EHBP1: variants seen among roughly 807,000 people sequenced by gnomAD.
EHBP1 encodes the protein EH domain binding protein 1.
A neutral mutation model predicts 144.0 loss-of-function variants in EHBP1; 55 were observed. The observed-to-expected ratio is 0.38, with a 90% CI of 0.31 to 0.48. The LOEUF (loss-of-function observed/expected upper bound fraction) is 0.48, where lower values mean the gene tolerates loss of function less well. Among genes scored for constraint, EHBP1 ranks in the 20% least tolerant of loss-of-function variants. The pLI, the probability that EHBP1 is intolerant of heterozygous loss-of-function variation, is 0.98. For synonymous variants in EHBP1, 469 were observed against 472.7 expected (o/e 0.99, Z 0.10); for missense variants, 1,200 against 1,364.2 (o/e 0.88, Z 1.90).
chr2:62,799,299 TG>T (rs1251587881), intron 5 of EHBP1, among the ~76,000 whole-genome samples: 1 of 152,238 alleles, frequency 6.6e-6, no homozygotes, highest in Non-Finnish European at 1.5e-5. Context: ...TAACAGTATT[TG>T]CTGATTTTTA....
chr2:62,890,336 G>T (rs1390716380), intron 10 of EHBP1, among the ~76,000 whole-genome samples: 2 of 152,112 alleles, frequency 1.3e-5, no homozygotes, highest in Non-Finnish European at 2.9e-5. Flanking sequence ...GGGCAATATG[G>T]CCATTTTAAC....
chr2:62,824,602 C>A (rs879696147), intron 5 of EHBP1, among the ~76,000 whole-genome samples: 2 of 151,962 alleles, frequency 1.3e-5, no homozygotes, highest in Admixed American at 6.6e-5. Flanking sequence ...TTAAGTATTT[C>A]TTCTGAGAGG....
In EHBP1 at chr2:62,859,231, A is replaced by C. The variant is rs145720615; in HGVS notation, c.697A>C (p.Asn233His). Residue 233 changes from asparagine to histidine, a missense_variant, in exon 8 of 23, where the codon AAT (asparagine) becomes CAT (histidine). Physicochemically the swap from Asn to His is moderately conservative, Grantham distance 68. Coordinates refer to ENST00000431489, the MANE Select transcript of EHBP1 (RefSeq NM_001142616.3). The part of the protein sequence containing the change: ...AEKDLATVNS[N>H]PFDDPDAAEL... ...AAAGGACTTGGCCACCGTGAATTCAAATCCATTTGATGATCCTGATGCTGC... is the reference window on the plus strand; with the variant it reads ...AAAGGACTTGGCCACCGTGAATTCACATCCATTTGATGATCCTGATGCTGC... 23 of 1,612,356 alleles carry C rather than the reference A, an allele frequency of 1.4e-5. No individual in the cohort carries two copies. Among genetic ancestry groups the C allele is most frequent in the South Asian group, 4.4e-5 (4 of 90,740 alleles).
At chr2:62,960,394 T>C (rs576221348) in intron 14 of EHBP1, among the ~76,000 whole-genome samples, 43 of 152,312 alleles carry the variant, frequency 2.8e-4, no homozygotes, top group African/African-American at 8.9e-4. Flanking sequence ...TCTTCCCTTA[T>C]TAGTTTCTAG....
At chr2:63,037,411 A>G (rs1362183665) in intron 19 of EHBP1, 124 bp from the exon 20 acceptor site, 3 of 606,436 alleles carry the variant, frequency 4.9e-6, no homozygotes, top group South Asian at 4.3e-5. Context: ...CCTTCTTATA[A>G]GCAGTTTAAT....
chr2:62,793,453 A>G, intron 5 of EHBP1, among the ~76,000 whole-genome samples: 1 of 152,080 alleles, frequency 6.6e-6, no homozygotes, highest in East Asian at 1.9e-4. Flanking sequence ...AGTCTTTTGC[A>G]ATGGTCATGT....
intron 5 of EHBP1, among the ~76,000 whole-genome samples, chr2:62,825,193 G>T (rs920127653): frequency 6.6e-6 from 1 of 151,970 alleles, no homozygotes; most frequent in Admixed American, 6.6e-5. Flanking sequence ...CATAGAACCT[G>T]CAGAGATTAT....
chr2:62,860,448 C>G (rs907929489), intron 8 of EHBP1, among the ~76,000 whole-genome samples: 2 of 151,982 alleles, frequency 1.3e-5, no homozygotes, highest in Admixed American at 6.6e-5. Flanking sequence ...CAAGATCGCG[C>G]CATTGCACTC....
At chr2:62,677,127 T>C (rs751825114) in intron 1 of EHBP1, among the ~76,000 whole-genome samples, 1 of 151,718 alleles carries the variant, frequency 6.6e-6, no homozygotes, top group African/African-American at 2.4e-5. Context: ...ACTGGGGAGG[T>C]TGAGGCTACA....
chr2:62,684,794 C>T (rs1329915987), intron 1 of EHBP1, among the ~76,000 whole-genome samples: 2 of 152,044 alleles, frequency 1.3e-5, no homozygotes, highest in African/African-American at 2.4e-5. Context: ...AGGAGGGAGA[C>T]AGGGAGGGAG....
chr2:62,933,380 A>G (rs1458758183), intron 10 of EHBP1, among the ~76,000 whole-genome samples: 1 of 152,186 alleles, frequency 6.6e-6, no homozygotes, highest in Non-Finnish European at 1.5e-5. Flanking sequence ...GAGAATTTAA[A>G]TACTTCTCAA....
At chr2:62,973,138 G>A (rs1268426517) in intron 14 of EHBP1, among the ~76,000 whole-genome samples, 1 of 152,108 alleles carries the variant, frequency 6.6e-6, no homozygotes, top group Non-Finnish European at 1.5e-5. Context: ...ATTATGGGGG[G>A]TAGAGGAGGT....
chr2:62,839,622 C>G (rs546710373), intron 7 of EHBP1, among the ~76,000 whole-genome samples: 150 of 149,562 alleles, frequency 1.0e-3, no homozygotes, highest in African/African-American at 3.4e-3. Context: ...TCTCCTTAAG[C>G]TGATAAGCAA....
intron 10 of EHBP1, among the ~76,000 whole-genome samples, chr2:62,907,073 G>A (rs541000520): frequency 2.6e-5 from 4 of 152,224 alleles, no homozygotes; most frequent in Non-Finnish European, 5.9e-5. Flanking sequence ...CCTGTTTGGG[G>A]CTCTTATGGA....
chr2:62,690,457 G>A (rs772670302), intron 1 of EHBP1, among the ~76,000 whole-genome samples: 5 of 152,140 alleles, frequency 3.3e-5, no homozygotes, highest in Non-Finnish European at 7.3e-5. Context: ...AGCTACTTGG[G>A]AGGCTGAGAC....
intron 1 of EHBP1, among the ~76,000 whole-genome samples, chr2:62,691,460 A>G (rs1005386372): frequency 1.3e-5 from 2 of 152,230 alleles, no homozygotes; most frequent in Non-Finnish European, 2.9e-5. Flanking sequence ...ACTTAGGCAC[A>G]TAGCCATATC....
intron 19 of EHBP1, among the ~76,000 whole-genome samples, chr2:63,023,268 C>G (rs528293166): frequency 1.4e-4 from 21 of 151,970 alleles, no homozygotes; most frequent in African/African-American, 5.1e-4. Context: ...TTTCTTTAAC[C>G]GTTTTTTGTT....
At chr2:62,674,812 T>C (rs1439192168) in intron 1 of EHBP1, among the ~76,000 whole-genome samples, 1 of 152,192 alleles carries the variant, frequency 6.6e-6, no homozygotes, top group Non-Finnish European at 1.5e-5. Flanking sequence ...ATTTTTATTT[T>C]TAGAGACAGG....
chr2:62,947,164 A>G (rs560338318), intron 12 of EHBP1, among the ~76,000 whole-genome samples: 71 of 152,316 alleles, frequency 4.7e-4, no homozygotes, highest in Non-Finnish European at 9.0e-4. Flanking sequence ...CTCTCTAGTA[A>G]ATATTTTGAG....
Sources: gnomAD v4.1 joint callset for allele counts (sites outside exome capture counted in the v4.1 genomes callset) on GRCh38, gnomAD v4.1.1 for gene constraint, MANE v1.5 for transcripts, NCBI Gene and HGNC (gene_info 2026-07-23, HGNC 2026-07-21) for gene names.